MEGF10: variants seen among roughly 807,000 people sequenced by gnomAD.
The protein encoded by MEGF10 is multiple epidermal growth factor-like domains protein 10.
MEGF10 carries 86 observed loss-of-function variants against 147.5 expected under a neutral mutation model. The observed-to-expected ratio is 0.58, with a 90% CI of 0.49 to 0.70. The LOEUF (loss-of-function observed/expected upper bound fraction) is 0.70. Among genes scored for constraint, MEGF10 ranks in the 30% least tolerant of loss-of-function variants. The pLI is 0.00. For synonymous variants in MEGF10, 478 were observed against 525.5 expected, an observed-to-expected ratio of 0.91 and a Z score of 1.24; for missense variants, 1,329 against 1,487.3, an observed-to-expected ratio of 0.89 and a Z score of 1.75.
chr5:127,390,893 C>T (rs1037161515), intron 5 of MEGF10, among the ~76,000 whole-genome samples: 1 of 151,818 alleles, frequency 6.6e-6, no homozygotes. Flanking sequence ...GAGCAAGTCA[C>T]CTGGATCTCA....
chr5:127,385,553 A>C lies in MEGF10; in HGVS notation c.413-10979A>C, dbSNP rs147642499. Among the ~76,000 whole-genome samples, 742 of 152,338 alleles carry C rather than the reference A, an allele frequency of 4.9e-3. 9 individuals carry two copies. The Middle Eastern group carries it at 0.054, about 11-fold the overall frequency. Reference sequence around the variant, plus strand: ...CTGCCAAAGTGCTGGAATTACAGGCATGAGCCACTGTGCCGGGCCGACATT... The same window carrying C: ...CTGCCAAAGTGCTGGAATTACAGGCCTGAGCCACTGTGCCGGGCCGACATT... On this transcript the variant is annotated intron_variant, in intron 5 of 24. Coordinates refer to ENST00000503335, the MANE Select transcript of MEGF10 (RefSeq NM_001256545.2).
At chr5:127,294,110 T>G (rs961903468) in intron 1 of MEGF10, among the ~76,000 whole-genome samples, 4 of 152,232 alleles carry the variant, frequency 2.6e-5, no homozygotes, top group Admixed American at 6.5e-5. Flanking sequence ...CATTCATCTT[T>G]TAAGACACTA....
the MEGF10 span, among the ~76,000 whole-genome samples, chr5:127,248,867 T>C: frequency 6.6e-6 from 1 of 151,332 alleles, no homozygotes; most frequent in Non-Finnish European, 1.5e-5. Context: ...CAAAGCAGTA[T>C]GTCTTTTAAA....
intron 13 of MEGF10, among the ~76,000 whole-genome samples, chr5:127,428,092 C>A (rs1457459788): frequency 6.7e-6 from 1 of 148,576 alleles, no homozygotes; most frequent in African/African-American, 2.5e-5. Flanking sequence ...GCAATCCTTT[C>A]TACTTGCTTT....
the MEGF10 span, among the ~76,000 whole-genome samples, chr5:127,250,244 G>A: frequency 3.8e-4 from 58 of 152,068 alleles, no homozygotes; most frequent in Admixed American, 9.2e-4. Flanking sequence ...GTCAAGAAGA[G>A]ACAGTAATCT....
At chr5:127,312,033 T>C (rs745952899) in intron 1 of MEGF10, among the ~76,000 whole-genome samples, 1 of 152,206 alleles carries the variant, frequency 6.6e-6, no homozygotes, top group Non-Finnish European at 1.5e-5. Context: ...CAACTCCTAA[T>C]TTTAATGTGT....
At chr5:127,266,442 T>A in the MEGF10 span, among the ~76,000 whole-genome samples, 10 of 152,226 alleles carry the variant, frequency 6.6e-5, no homozygotes, top group Non-Finnish European at 1.3e-4. Flanking sequence ...AAGTAGTTTT[T>A]TCCAATTCTT....
upstream of MEGF10, among the ~76,000 whole-genome samples, chr5:127,289,984 A>C (rs1759165322): frequency 6.6e-6 from 1 of 152,188 alleles, no homozygotes; most frequent in South Asian, 2.1e-4. Flanking sequence ...CTGGAAGAGG[A>C]AGATGGACAG....
intron 1 of MEGF10, among the ~76,000 whole-genome samples, chr5:127,300,389 G>GTTGTTGTT (rs1399462337): frequency 6.6e-6 from 1 of 152,100 alleles, no homozygotes; most frequent in African/African-American, 2.4e-5. Flanking sequence ...CCCTTTTACT[G>GTTGTTGTT]TTGTTGTTTG....
intron 2 of MEGF10, 22 bp downstream of exon 2, chr5:127,331,446 T>C (rs761447754): frequency 7.1e-7 from 1 of 1,405,222 alleles, no homozygotes; most frequent in South Asian, 1.2e-5. Context: ...GAAAGGAGCC[T>C]GACAAAGAAT....
At chr5:127,360,015 G>T (rs117957338) in intron 4 of MEGF10, among the ~76,000 whole-genome samples, 4 of 152,064 alleles carry the variant, frequency 2.6e-5, no homozygotes, top group African/African-American at 9.7e-5. Context: ...TATTGGAGGA[G>T]AATCGATATC....
chr5:127,356,004 A>C (rs1762267382), intron 4 of MEGF10, among the ~76,000 whole-genome samples: 1 of 152,246 alleles, frequency 6.6e-6, no homozygotes, highest in South Asian at 2.1e-4. Flanking sequence ...CTAATAATTT[A>C]TGCAATCCCC....
intron 5 of MEGF10, among the ~76,000 whole-genome samples, chr5:127,381,193 A>T (rs1763249787): frequency 6.6e-6 from 1 of 152,258 alleles, no homozygotes; most frequent in South Asian, 2.1e-4. Context: ...TGGTGTACAA[A>T]TGCATACAAA....
chr5:127,273,363 C>T, the MEGF10 span, among the ~76,000 whole-genome samples: 3 of 152,192 alleles, frequency 2.0e-5, no homozygotes, highest in South Asian at 2.1e-4. Context: ...AAAAAAAACT[C>T]GACATGGGTC....
chr5:127,283,316 T>G, the MEGF10 span, among the ~76,000 whole-genome samples: 1 of 152,208 alleles, frequency 6.6e-6, no homozygotes, highest in Non-Finnish European at 1.5e-5. Context: ...TTGTAATAGA[T>G]GTATTCACTA....
intron 4 of MEGF10, among the ~76,000 whole-genome samples, chr5:127,360,516 G>A (rs1485022948): frequency 6.6e-6 from 1 of 151,740 alleles, no homozygotes; most frequent in Non-Finnish European, 1.5e-5. Flanking sequence ...CCAGTATCAT[G>A]CTGAATAGAA....
chr5:127,247,351 A>G, the MEGF10 span, among the ~76,000 whole-genome samples: 2,621 of 7,370 alleles, frequency 0.36, 131 homozygotes, highest in Middle Eastern at 0.38. Context: ...GAAGAAGAAG[A>G]AGAAGAAGAA....
At chr5:127,445,082 C>A (rs545731453) in intron 19 of MEGF10, among the ~76,000 whole-genome samples, 1 of 152,276 alleles carries the variant, frequency 6.6e-6, no homozygotes, top group East Asian at 1.9e-4. Flanking sequence ...TCTTTGGGTT[C>A]AGAAAATCCT....
chr5:127,399,778 C>T (rs781743620), intron 7 of MEGF10, among the ~76,000 whole-genome samples: 1 of 152,138 alleles, frequency 6.6e-6, no homozygotes, highest in African/African-American at 2.4e-5. Flanking sequence ...TTCTAATCTC[C>T]CTTCTTCTGC....
Sources: gnomAD v4.1 joint callset for allele counts (sites outside exome capture counted in the v4.1 genomes callset) on GRCh38, gnomAD v4.1.1 for gene constraint, MANE v1.5 for transcripts, NCBI Gene and HGNC (gene_info 2026-07-23, HGNC 2026-07-21) for gene names.